ERVK3-1: variants seen among roughly 807,000 people sequenced by gnomAD.
ERVK3-1 encodes HERV-K(HML6-1).
chr19:58,316,016 C>T (rs1448980892), downstream of ERVK3-1, among the ~76,000 whole-genome samples: 2 of 152,090 alleles, frequency 1.3e-5, no homozygotes, highest in African/African-American at 2.4e-5. Flanking sequence ...GCTGCTGAGG[C>T]CAAGCAATGT....
At chr19:58,316,515 C>G, downstream of ERVK3-1, among the ~76,000 whole-genome samples, 1 of 152,094 alleles carries the variant, frequency 6.6e-6, no homozygotes, top group East Asian at 1.9e-4. Flanking sequence ...ACTAAAAATA[C>G]AAAAAATTAG....
downstream of ERVK3-1, among the ~76,000 whole-genome samples, chr19:58,316,403 G>A (rs895822317): frequency 3.3e-5 from 5 of 152,200 alleles, no homozygotes; most frequent in African/African-American, 7.2e-5. Context: ...CAGGCTGGGC[G>A]CAGTGGCTCA....
At chr19:58,307,606 C>G (rs1296888600) in intron 2 of ERVK3-1, among the ~76,000 whole-genome samples, 1 of 149,390 alleles carries the variant, frequency 6.7e-6, no homozygotes, top group East Asian at 1.9e-4. Context: ...AATGCAATAC[C>G]GCCCCCCCCT....
Position 58,312,561 on chromosome 19 carries a change from A to G in ERVK3-1, c.294+99A>G. 1 of 398,814 alleles carries G rather than the reference A, an allele frequency of 2.5e-6. No homozygotes were observed. The highest frequency in any genetic ancestry group is 4.4e-6 in the Non-Finnish European group (1 of 226,000). 24.7% of individuals were successfully genotyped at this position (398,814 alleles called of 1,614,324 possible). ...TCTGGAGCGACACTCCTCCTGAGAT[A>G]TATTATGATCAGGGAGCGTGGGCAC... On this transcript the variant is annotated intron_variant, in intron 3 of 3. Transcript: ENST00000413518. This position sits in a 1 kb window ranked among gnomAD's most constrained non-coding sequence, Gnocchi z 4.7.
intron 2 of ERVK3-1, 191 bp downstream of exon 2, chr19:58,306,407 A>G (rs192745547): frequency 6.6e-6 from 1 of 152,346 alleles, no homozygotes; most frequent in African/African-American, 2.4e-5. Context: ...TGGTTTCTGC[A>G]GACAGGTACT....
chr19:58,305,596 C>CCG (rs2051516848), intron 1 of ERVK3-1, among the ~76,000 whole-genome samples, 151 bp downstream of exon 1: 2 of 151,872 alleles, frequency 1.3e-5, no homozygotes, highest in Admixed American at 6.6e-5. Context: ...GAGAGGCGCG[C>CCG]GGTGCGTGAG....
intron 2 of ERVK3-1, among the ~76,000 whole-genome samples, chr19:58,307,039 C>G (rs990835798): frequency 1.2e-4 from 19 of 152,214 alleles, no homozygotes; most frequent in Non-Finnish European, 2.8e-4. Flanking sequence ...TAGACAGAAT[C>G]TCACCGCTGG....
intron 2 of ERVK3-1, chr19:58,309,373 T>TAC (rs937347099): frequency 3.3e-5 from 5 of 152,314 alleles, no homozygotes; most frequent in African/African-American, 1.2e-4. Context: ...AATACTTAGA[T>TAC]ACTACTGTTA....
exon 4 of ERVK3-1, chr19:58,315,091 G>A (rs1486609524): frequency 1.8e-5 from 5 of 283,584 alleles, no homozygotes; most frequent in African/African-American, 6.5e-5. Flanking sequence ...ATAGCTGACC[G>A]ACAGTTATCC....
At chr19:58,309,187 G>A (rs1445404920) in intron 2 of ERVK3-1, 1 of 152,162 alleles carries the variant, frequency 6.6e-6, no homozygotes, top group African/African-American at 2.4e-5. Context: ...GAAAAGCATT[G>A]AAGGAGCCTC....
Position 58,312,033 on chromosome 19 carries a change from C to G in ERVK3-1, c.-3-133C>G. 2 of 397,208 alleles carry G rather than the reference C, an allele frequency of 5.0e-6. No individual in the cohort carries two copies. The highest frequency in any genetic ancestry group is 7.1e-5 in the East Asian group (2 of 28,050). 24.6% of individuals were successfully genotyped at this position (397,208 alleles called of 1,614,324 possible). ...TACGGATGGCAAGACCCCAGCAGAACGACACTGGCAACTGCTAGAGGAAAA... is the reference window on the plus strand; with the variant it reads ...TACGGATGGCAAGACCCCAGCAGAAGGACACTGGCAACTGCTAGAGGAAAA... On this transcript the variant is annotated intron_variant, in intron 2 of 3. Coordinates refer to ENST00000413518, the Ensembl canonical transcript of ERVK3-1. The surrounding 1 kb of genome is among the most constrained non-coding windows in gnomAD (Gnocchi z 4.7).
In ERVK3-1 at chr19:58,313,524, C is replaced by G. The variant is rs1012243049; in HGVS notation, c.294+1062C>G. Among the ~76,000 whole-genome samples the G allele has an allele frequency of 8.5e-5, 13 of 152,176 alleles. No homozygotes were observed. The highest frequency in any genetic ancestry group is 1.5e-4 in the Non-Finnish European group (10 of 68,040). ...GCCAGGCTGCTCTTGAATTCCTGACCTCGTGATCCACCCGCCTTGGCTTCC... is the reference window on the plus strand; with the variant it reads ...GCCAGGCTGCTCTTGAATTCCTGACGTCGTGATCCACCCGCCTTGGCTTCC... On this transcript the variant is annotated intron_variant, in intron 3 of 3. Coordinates refer to ENST00000413518, the Ensembl canonical transcript of ERVK3-1. The surrounding 1 kb of genome is among the most constrained non-coding windows in gnomAD (Gnocchi z 4.5).
intron 2 of ERVK3-1, 171 bp downstream of exon 2, chr19:58,306,387 A>G (rs2051523872): frequency 6.6e-6 from 1 of 152,238 alleles, no homozygotes; most frequent in Non-Finnish European, 1.5e-5. Flanking sequence ...AGGTTATTAC[A>G]CATAACCCAT....
chr19:58,315,379 A>G (rs2051585974), exon 4 of ERVK3-1: 1 of 152,220 alleles, frequency 6.6e-6, no homozygotes, highest in Admixed American at 6.5e-5. Flanking sequence ...GCCTCTGGCA[A>G]CCACTAATCC....
chr19:58,315,660 G>A (rs997473297), exon 4 of ERVK3-1: 4 of 152,222 alleles, frequency 2.6e-5, no homozygotes, highest in Non-Finnish European at 4.4e-5. Context: ...TTCATGTACA[G>A]GTGTTTGTGT....
chr19:58,312,635 G>A lies in ERVK3-1; in HGVS notation c.294+173G>A, dbSNP rs527995187. 6.6e-5 allele frequency among the ~76,000 whole-genome samples: 10 copies of A among 152,198 alleles called. No individual in the cohort carries two copies. Among genetic ancestry groups the A allele is most frequent in the Admixed American group, 3.3e-4 (5 of 15,282 alleles). ...ACAGAGCAATAGCATCAATTACACC[G>A]GCCCATTGGAAGGACTCCCTTTATG... is the stretch of plus-strand genomic sequence containing the variant. On this transcript the variant is annotated intron_variant, in intron 3 of 3. Coordinates refer to ENST00000413518, the Ensembl canonical transcript of ERVK3-1. This position sits in a 1 kb window ranked among gnomAD's most constrained non-coding sequence, Gnocchi z 4.7.
In ERVK3-1 at chr19:58,312,605, C is replaced by G; in HGVS notation, c.294+143C>G. 1 of 398,346 alleles carries G rather than the reference C, an allele frequency of 2.5e-6. No homozygotes were observed. Among genetic ancestry groups the G allele is most frequent in the Admixed American group, 4.4e-5 (1 of 22,728 alleles). 24.7% of individuals were successfully genotyped at this position (398,346 alleles called of 1,614,324 possible). Reference sequence around the variant, plus strand: ...TGGGCACCAGGACCCCTAACTCCGTCTGACACAGAGCAATAGCATCAATTA... The same window carrying G: ...TGGGCACCAGGACCCCTAACTCCGTGTGACACAGAGCAATAGCATCAATTA... On this transcript the variant is annotated intron_variant, in intron 3 of 3. Transcript: ENST00000413518. This position sits in a 1 kb window ranked among gnomAD's most constrained non-coding sequence, Gnocchi z 4.7.
At chr19:58,309,590 G>A (rs2051544173) in intron 2 of ERVK3-1, 1 of 152,250 alleles carries the variant, frequency 6.6e-6, no homozygotes, top group South Asian at 2.1e-4. Flanking sequence ...ATTACAGCTT[G>A]TAGAAAGATG....
At position 58,312,668 on chromosome 19, in the gene ERVK3-1, A is replaced by G. The variant is rs1330203922; in HGVS notation, c.294+206A>G. On this transcript the variant is annotated intron_variant, in intron 3 of 3. Transcript: ENST00000413518. The surrounding 1 kb of genome is among the most constrained non-coding windows in gnomAD (Gnocchi z 4.7). ...GGAAGGACTCCCTTTATGTATCACC[A>G]TGGATACGTCACTCAACTGCAGCTG... Among the ~76,000 whole-genome samples the G allele has an allele frequency of 2.0e-5, 3 of 152,162 alleles. No homozygotes were observed. The highest frequency in any genetic ancestry group is 2.4e-5 in the African/African-American group (1 of 41,432).
Sources: allele counts gnomAD v4.1 joint callset (sites outside exome capture counted in the v4.1 genomes callset), GRCh38; gene constraint gnomAD v4.1.1; non-coding constraint Gnocchi (gnomAD v3.1); transcripts MANE v1.5; gene names NCBI Gene and HGNC (gene_info 2026-07-23, HGNC 2026-07-21).